ERC1: variants seen among roughly 807,000 people sequenced by gnomAD.
ERC1 encodes the protein RAB6 interacting protein 2.
ERC1 carries 56 observed loss-of-function variants against 132.0 expected under a neutral mutation model. That is an observed-to-expected ratio of 0.42 (90% CI 0.34 to 0.53). The LOEUF is 0.53. ERC1 is among the 20% of genes least tolerant of loss of function. The pLI is 0.03. For missense variants in ERC1, 1,202 were observed against 1,349.9 expected (o/e 0.89, Z 1.72); for synonymous variants, 478 against 476.1 (o/e 1.00, Z -0.05).
At chr12:1,357,011 A>G (rs192520945) in intron 15 of ERC1, among the ~76,000 whole-genome samples, 2 of 152,284 alleles carry the variant, frequency 1.3e-5, no homozygotes, top group Non-Finnish European at 2.9e-5. Flanking sequence ...AGTAGCCCCA[A>G]TGTCTTCAGT....
intron 18 of ERC1, 110 bp from the exon 19 acceptor site, chr12:1,489,981 CAG>C: frequency 8.5e-7 from 1 of 1,176,480 alleles, no homozygotes; most frequent in South Asian, 1.6e-5. Context: ...AATTTTGATG[CAG>C]AGAGACTTCA....
At chr12:1,021,957 G>A (rs547946583) in intron 1 of ERC1, among the ~76,000 whole-genome samples, 46 of 152,290 alleles carry the variant, frequency 3.0e-4, no homozygotes, top group African/African-American at 9.9e-4. Flanking sequence ...CCTGTAAGTA[G>A]GGTTAAATAA....
chr12:1,132,067 T>C (rs1396225488), intron 7 of ERC1, among the ~76,000 whole-genome samples: 1 of 152,214 alleles, frequency 6.6e-6, no homozygotes, highest in East Asian at 1.9e-4. Context: ...TTGTAAAATA[T>C]GGACCTCACG....
intron 12 of ERC1, among the ~76,000 whole-genome samples, chr12:1,204,305 A>G (rs1344540368): frequency 1.3e-5 from 2 of 152,052 alleles, no homozygotes; most frequent in Non-Finnish European, 2.9e-5. Context: ...GTGTAATCTA[A>G]TAAGAAAGTA....
intron 18 of ERC1, chr12:1,480,742 G>T: frequency 1.5e-6 from 1 of 678,964 alleles, no homozygotes. Flanking sequence ...GAGGGGGTGT[G>T]GGTAGTGGGC....
At chr12:1,331,023 A>T (rs1387997383) in intron 15 of ERC1, among the ~76,000 whole-genome samples, 1 of 152,170 alleles carries the variant, frequency 6.6e-6, no homozygotes, top group Non-Finnish European at 1.5e-5. Flanking sequence ...TGGAGTGTAT[A>T]CTATACCTCT....
intron 8 of ERC1, among the ~76,000 whole-genome samples, chr12:1,171,845 C>T (rs1251595925): frequency 6.6e-6 from 1 of 152,184 alleles, no homozygotes; most frequent in Non-Finnish European, 1.5e-5. Flanking sequence ...GGAAATAAAT[C>T]ACCCAGACTG....
chr12:1,442,989 G>A (rs947866196), intron 17 of ERC1, among the ~76,000 whole-genome samples: 1 of 150,464 alleles, frequency 6.6e-6, no homozygotes, highest in Non-Finnish European at 1.5e-5. Flanking sequence ...CTCACTGCAA[G>A]CTCCACCTCC....
chr12:1,393,877 G>A (rs1343749673), intron 16 of ERC1, among the ~76,000 whole-genome samples: 6 of 151,144 alleles, frequency 4.0e-5, no homozygotes, highest in Admixed American at 1.3e-4. Context: ...TTAGCCAAGT[G>A]TGGTGGCGGG....
intron 15 of ERC1, among the ~76,000 whole-genome samples, chr12:1,338,056 A>G (rs143950591): frequency 1.3e-3 from 197 of 152,198 alleles, no homozygotes; most frequent in Middle Eastern, 0.01. Context: ...GGTTCTCTGC[A>G]TTTCTTGAAT....
chr12:1,293,453 A>AAAC (rs201350540), intron 15 of ERC1, among the ~76,000 whole-genome samples: 1,942 of 101,196 alleles, frequency 0.019, 151 homozygotes, highest in African/African-American at 0.041. Flanking sequence ...ACTCCATCTC[A>AAAC]AACAACAACA....
chr12:1,356,634 A>T (rs1034330868), intron 15 of ERC1, among the ~76,000 whole-genome samples: 1 of 152,184 alleles, frequency 6.6e-6, no homozygotes, highest in Non-Finnish European at 1.5e-5. Flanking sequence ...TTTTATGTCT[A>T]CTTTAACCGT....
intron 14 of ERC1, among the ~76,000 whole-genome samples, chr12:1,275,114 T>C (rs2078172386): frequency 6.6e-6 from 1 of 152,204 alleles, no homozygotes; most frequent in Non-Finnish European, 1.5e-5. Flanking sequence ...TTAATGATTT[T>C]AGGTTTTATC....
At chr12:1,465,326 C>T (rs1365848683) in intron 18 of ERC1, among the ~76,000 whole-genome samples, 1 of 152,174 alleles carries the variant, frequency 6.6e-6, no homozygotes, top group African/African-American at 2.4e-5. Context: ...ATAAATTGCC[C>T]ACAGTTTTCT....
intron 15 of ERC1, among the ~76,000 whole-genome samples, chr12:1,324,938 C>G (rs2082347837): frequency 6.6e-6 from 1 of 152,058 alleles, no homozygotes; most frequent in African/African-American, 2.4e-5. Flanking sequence ...ATTTTGTAGC[C>G]CACACAGGAG....
At position 1,062,077 on chromosome 12, in the gene ERC1, G is replaced by A. The variant is rs1938094635; in HGVS notation, c.670-21087G>A. On this transcript the variant is annotated intron_variant, in intron 2 of 18. Coordinates refer to ENST00000360905, the MANE Select transcript of ERC1 (RefSeq NM_178040.4). The stretch of plus-strand genomic sequence containing the variant: ...ATGATCTCGGCTCACTGCAAGCTCT[G>A]CCTCCCGGGTTCACTCCCACCTCAG... Among the ~76,000 whole-genome samples the A allele has an allele frequency of 2.1e-5, 3 of 141,160 alleles. No homozygotes were observed. In the South Asian group the frequency reaches 6.5e-4, roughly 31 times the overall value. The allele number at this position is 141,160 out of a possible 152,430, so 92.6% of individuals were successfully genotyped here.
At position 1,177,931 on chromosome 12, in the gene ERC1, T is replaced by G. The variant is rs1365349395; in HGVS notation, c.1738-2609T>G. On this transcript the variant is annotated intron_variant, in intron 8 of 18. Transcript: ENST00000360905. Reference sequence around the variant, plus strand: ...TCTCTTTACTGGTTATGAGTTGACCTAAGTGTTGATCCGTATGAGATTTCA... The same window carrying G: ...TCTCTTTACTGGTTATGAGTTGACCGAAGTGTTGATCCGTATGAGATTTCA... 1.3e-5 allele frequency among the ~76,000 whole-genome samples: 2 copies of G among 152,196 alleles called. 1 individual carries two copies. The highest frequency in any genetic ancestry group is 2.9e-5 in the Non-Finnish European group (2 of 68,028).
At chr12:1,000,890 G>T (rs559265418) in intron 1 of ERC1, among the ~76,000 whole-genome samples, 2 of 152,172 alleles carry the variant, frequency 1.3e-5, no homozygotes, top group East Asian at 3.9e-4. Flanking sequence ...GCCATTATTT[G>T]TGTATTTATT....
intron 16 of ERC1, among the ~76,000 whole-genome samples, chr12:1,398,555 T>C (rs138661786): frequency 3.6e-3 from 547 of 152,316 alleles, no homozygotes; most frequent in African/African-American, 0.013. Flanking sequence ...AAAAAATATT[T>C]ATTTCCTATC....
Sources: gnomAD v4.1 joint callset for allele counts (sites outside exome capture counted in the v4.1 genomes callset) on GRCh38, gnomAD v4.1.1 for gene constraint, MANE v1.5 for transcripts, NCBI Gene and HGNC (gene_info 2026-07-23, HGNC 2026-07-21) for gene names.